Variants in LATS2 observed in about 807,000 individuals in gnomAD.
LATS2 encodes the protein large tumor suppressor kinase 2.
In LATS2, 24 loss-of-function variants were observed where a neutral mutation model predicts 76.0. The observed-to-expected ratio is 0.32, with a 90% confidence interval of 0.23 to 0.44. LATS2 has a LOEUF of 0.44. Ranked by LOEUF, LATS2 falls within the 20% of genes least tolerant of loss-of-function variation. The pLI, the probability that LATS2 is intolerant of heterozygous loss-of-function variation, is 1.00. For missense variants in LATS2, 1,286 were observed against 1,481.2 expected (o/e 0.87, Z 2.16); for synonymous variants, 692 against 635.4 (o/e 1.09, Z -1.34).
In LATS2 at chr13:20,989,175, G is replaced by A. The variant is rs1595217340; in HGVS notation, c.605C>T (p.Thr202Met). The change falls in exon 4 of 8, where the codon ACG (threonine) becomes ATG (methionine). Residue 202 changes from threonine (T) to methionine (M), a missense_variant. Thr to Met is a moderately conservative substitution (Grantham distance 81). Around this residue, in one of 5 missense-constraint regions of LATS2, gnomAD observed 710 missense variants for 660.9 expected, o/e 1.07. Coordinates refer to ENST00000382592, the MANE Select transcript of LATS2 (RefSeq NM_014572.3). ...EGPSFGADGP[T>M]ALEEMPRPYV... ...CGGCCGCGGCATCTCCTCCAGCGCC[G>A]TGGGGCCGTCAGCGCCGAAGCTTGG... 1.2e-6 allele frequency: 2 copies of A among 1,613,250 alleles called. No individual in the cohort carries two copies. The highest frequency in any genetic ancestry group is 8.5e-7 in the Non-Finnish European group (1 of 1,179,932).
chr13:21,054,423 TTAAA>T (rs1873382336), intron 1 of LATS2, among the ~76,000 whole-genome samples: 1 of 151,832 alleles, frequency 6.6e-6, no homozygotes, highest in Non-Finnish European at 1.5e-5. Flanking sequence ...GAAAAAAAAT[TTAAA>T]TAAATAAATA....
chr13:21,046,913 T>A (rs886753914), intron 1 of LATS2, among the ~76,000 whole-genome samples: 6 of 152,146 alleles, frequency 3.9e-5, no homozygotes, highest in African/African-American at 1.2e-4. Flanking sequence ...AATTAAAATA[T>A]CTTTCTTGTA....
At chr13:20,981,119 A>T (rs1376457761) in intron 6 of LATS2, among the ~76,000 whole-genome samples, 3 of 152,178 alleles carry the variant, frequency 2.0e-5, no homozygotes, top group Non-Finnish European at 2.9e-5. Flanking sequence ...AGAGCCCGGA[A>T]ATGTGTGGTC....
rs150490560 is a variant in LATS2, at chr13:21,050,211, G to A, written c.-204-3981C>T. Among the ~76,000 whole-genome samples, 361 of 150,312 alleles carry A rather than the reference G, an allele frequency of 2.4e-3. 3 individuals carry two copies. The highest frequency in any genetic ancestry group is 8.6e-3 in the African/African-American group (351 of 41,030). ...GCTGAAAGCCAGGAGGAACAGTAAG[G>A]CTTTTGGGGGTGGAGGGGGTAGGGG... On this transcript the variant is annotated intron_variant, in intron 1 of 7. Coordinates refer to ENST00000382592, the MANE Select transcript of LATS2 (RefSeq NM_014572.3).
At chr13:21,057,453 T>G (rs978225529) in intron 1 of LATS2, among the ~76,000 whole-genome samples, 3 of 152,236 alleles carry the variant, frequency 2.0e-5, no homozygotes, top group Non-Finnish European at 4.4e-5. Context: ...ATTCTAATTT[T>G]AACATCATAA....
chr13:20,980,293 G>T (rs1262851979), intron 6 of LATS2, among the ~76,000 whole-genome samples: 1 of 152,184 alleles, frequency 6.6e-6, no homozygotes, highest in African/African-American at 2.4e-5. Flanking sequence ...CCTTGTGTGA[G>T]GCCCCTACGG....
At chr13:20,998,087 T>A (rs910850694) in intron 2 of LATS2, among the ~76,000 whole-genome samples, 1 of 152,118 alleles carries the variant, frequency 6.6e-6, no homozygotes, top group Non-Finnish European at 1.5e-5. Flanking sequence ...AACTTCCACT[T>A]AAGTTGTAGC....
intron 5 of LATS2, among the ~76,000 whole-genome samples, chr13:20,982,365 G>A (rs543322078): frequency 9.6e-4 from 146 of 152,290 alleles, no homozygotes; most frequent in African/African-American, 3.2e-3. Context: ...AGGCTGGGGC[G>A]CAATGGCGCG....
Position 20,973,628 on chromosome 13 carries a change from G to A in LATS2, c.*1242C>T, listed in dbSNP as rs1869440118. On this transcript the variant is annotated 3_prime_UTR_variant, in exon 8 of 8. Transcript: ENST00000382592. ...TGAAGAATCTTTGCTTTTTTACAAA[G>A]GTTAGGAATATGTATTGTTTAAACC... 1 of 231,766 alleles carries A rather than the reference G, an allele frequency of 4.3e-6. No homozygotes were observed. The highest frequency in any genetic ancestry group is 6.2e-5 in the East Asian group (1 of 16,228). The allele number at this position is 231,766 out of a possible 1,614,324, so 14.4% of individuals were successfully genotyped here. A position where few individuals can be genotyped will look rare whatever the true frequency, so the allele number is the denominator to read the frequency against.
In LATS2 at chr13:20,991,504, C is replaced by A; in HGVS notation, c.343-100G>T. ...CGTGCTGGACTGTGCTGGGACACTTCGCCTCTGTACTGCTGAGAACCTGCG... is the reference window on the plus strand; with the variant it reads ...CGTGCTGGACTGTGCTGGGACACTTAGCCTCTGTACTGCTGAGAACCTGCG... On this transcript the variant is annotated intron_variant, in intron 2 of 7. Transcript: ENST00000382592. The surrounding 1 kb of genome is among the most constrained non-coding windows in gnomAD (Gnocchi z 4.9). The A allele has an allele frequency of 7.4e-7, 1 of 1,352,434 alleles. No homozygotes were observed. The allele number at this position is 1,352,434 out of a possible 1,614,324, so 83.8% of individuals were successfully genotyped here.
intron 2 of LATS2, among the ~76,000 whole-genome samples, chr13:21,035,803 C>T (rs982217071): frequency 1.3e-5 from 2 of 152,186 alleles, no homozygotes; most frequent in Non-Finnish European, 2.9e-5. Flanking sequence ...CCACAGCACG[C>T]AAGTAGCCAG....
At chr13:20,976,515 G>C (rs1261154291) in intron 7 of LATS2, among the ~76,000 whole-genome samples, 3 of 152,134 alleles carry the variant, frequency 2.0e-5, no homozygotes, top group African/African-American at 7.2e-5. Context: ...GCAACAAAAT[G>C]GGAGAACAGA....
intron 2 of LATS2, among the ~76,000 whole-genome samples, chr13:21,041,224 G>A (rs113085159): frequency 3.9e-5 from 6 of 152,150 alleles, no homozygotes; most frequent in African/African-American, 1.4e-4. Flanking sequence ...TGCCCGCCTT[G>A]GCCTCCCAAA....
intron 1 of LATS2, among the ~76,000 whole-genome samples, chr13:21,059,344 T>C (rs1873549868): frequency 6.6e-6 from 1 of 152,214 alleles, no homozygotes; most frequent in Admixed American, 6.5e-5. Context: ...ACGCCTGTAA[T>C]CCCAGCAGTT....
chr13:20,985,993 G>A (rs1262395782), intron 4 of LATS2, among the ~76,000 whole-genome samples: 1 of 152,172 alleles, frequency 6.6e-6, no homozygotes, highest in Non-Finnish European at 1.5e-5. Context: ...GTGGTGAGCT[G>A]AGATCGTGCC....
chr13:21,054,518 C>G (rs968506046), intron 1 of LATS2, among the ~76,000 whole-genome samples: 2 of 152,166 alleles, frequency 1.3e-5, no homozygotes, highest in African/African-American at 2.4e-5. Flanking sequence ...GAAGTCCAAA[C>G]CCTAGGGCAG....
intron 1 of LATS2, among the ~76,000 whole-genome samples, chr13:21,047,909 G>A (rs960058676): frequency 1.3e-5 from 2 of 152,134 alleles, no homozygotes; most frequent in African/African-American, 4.8e-5. Context: ...ATTGTGAGAA[G>A]ATTCCATTTA....
chr13:21,006,323 T>G (rs974534190), intron 2 of LATS2, among the ~76,000 whole-genome samples: 11 of 152,004 alleles, frequency 7.2e-5, no homozygotes, highest in African/African-American at 2.7e-4. Context: ...CATGCAGCTC[T>G]AACAGGTGGC....
At chr13:20,981,230 C>T (rs527937541) in intron 6 of LATS2, among the ~76,000 whole-genome samples, 15 of 152,184 alleles carry the variant, frequency 9.9e-5, no homozygotes, top group African/African-American at 2.9e-4. Context: ...AGGTAGAGCC[C>T]GAGGGCCAGC....
Sources: gnomAD v4.1 joint callset for allele counts (sites outside exome capture counted in the v4.1 genomes callset) on GRCh38, gnomAD v4.1.1 for gene constraint, gnomAD v4.1.1 regional missense constraint, Gnocchi (gnomAD v3.1) non-coding constraint, MANE v1.5 for transcripts, NCBI Gene and HGNC (gene_info 2026-07-23, HGNC 2026-07-21) for gene names.